Variants in UGT3A1 observed in about 807,000 individuals in gnomAD.
UGT3A1 encodes the protein UDP-glycosyltransferase 3A1.
UGT3A1 carries 40 observed loss-of-function variants against 37.6 expected under a neutral mutation model. That is an observed-to-expected ratio of 1.06 (90% CI 0.83 to 1.38). The LOEUF (loss-of-function observed/expected upper bound fraction) is 1.38. Among genes scored for constraint, UGT3A1 ranks in the 40% most tolerant of loss-of-function variants. The pLI is 0.00. For synonymous variants in UGT3A1, 256 were observed against 232.3 expected, an observed-to-expected ratio of 1.10 and a Z score of -0.93; for missense variants, 642 against 634.2, an observed-to-expected ratio of 1.01 and a Z score of -0.13.
chr5:35,954,482 T>C lies in UGT3A1; in HGVS notation c.1296-4A>G, dbSNP rs1006500799. ...TGCCACCACTGCCGACTTGTACCTG[T>C]TGGCGGAGACAGAGAGGGTGTGTTA... is the stretch of plus-strand genomic sequence containing the variant. On this transcript the variant is annotated splice_polypyrimidine_tract_variant and splice_region_variant and intron_variant, in intron 6 of 6. Transcript: ENST00000274278. 6.2e-7 allele frequency: 1 copy of C among 1,613,176 alleles called. No homozygotes were observed. The highest frequency in any genetic ancestry group is 1.3e-5 in the African/African-American group (1 of 74,922).
At chr5:35,997,495 C>T (rs1456965291) in intron 1 of UGT3A1, among the ~76,000 whole-genome samples, 7 of 151,738 alleles carry the variant, frequency 4.6e-5, no homozygotes, top group Admixed American at 3.3e-4. Flanking sequence ...TGGTGGATCT[C>T]GCCTCACTGC....
upstream of UGT3A1, chr5:35,991,616 G>A: frequency 9.9e-7 from 1 of 1,014,172 alleles, no homozygotes; most frequent in African/African-American, 1.7e-5. Flanking sequence ...CCATCCCCAA[G>A]GAAACCACCT....
intron 1 of UGT3A1, among the ~76,000 whole-genome samples, chr5:35,998,945 A>G (rs1741157316): frequency 6.6e-6 from 1 of 152,138 alleles, no homozygotes; most frequent in African/African-American, 2.4e-5. Flanking sequence ...CCCATAAAAA[A>G]TGTACAATAG....
intron 2 of UGT3A1, among the ~76,000 whole-genome samples, chr5:35,978,460 G>A (rs761223849): frequency 7.9e-5 from 12 of 152,264 alleles, no homozygotes; most frequent in Middle Eastern, 3.4e-3. Context: ...GGCAGAAGGC[G>A]AAAGGCCCAT....
chr5:35,955,485 G>A, intron 6 of UGT3A1, 160 bp downstream of exon 6: 1 of 829,538 alleles, frequency 1.2e-6, no homozygotes, highest in East Asian at 2.7e-5. Flanking sequence ...AGTCTTCCTA[G>A]AGACTTACCA....
At chr5:35,964,098 TA>T (rs200010589) in intron 4 of UGT3A1, among the ~76,000 whole-genome samples, 6,150 of 39,230 alleles carry the variant, frequency 0.16, 330 homozygotes, top group East Asian at 0.55. Context: ...TAAAAATGGT[TA>T]AAGTGGTATA....
chr5:35,974,973 G>C (rs899781775), intron 2 of UGT3A1, among the ~76,000 whole-genome samples: 1 of 152,156 alleles, frequency 6.6e-6, no homozygotes, highest in African/African-American at 2.4e-5. Flanking sequence ...AAAAATTGGT[G>C]GCAAGAAGTT....
rs1193516535 is a variant in UGT3A1 at position 35,978,228 on chromosome 5, TTTC to T, written c.197-10098_197-10096del. 2.6e-5 allele frequency among the ~76,000 whole-genome samples: 4 copies of T among 152,084 alleles called. No individual in the cohort carries two copies. The East Asian group carries it at 5.8e-4, about 22-fold the overall frequency. ...TTTTGTATTTTTAGTACAGATGGGG[TTTC>T]ACCATGTTGGCCAGGCTGGACTTGA... is the stretch of plus-strand genomic sequence containing the variant. On this transcript the variant is annotated intron_variant, in intron 2 of 6. Coordinates refer to ENST00000274278, the MANE Select transcript of UGT3A1 (RefSeq NM_152404.4).
At chr5:35,957,860 A>G (rs939985742) in intron 4 of UGT3A1, among the ~76,000 whole-genome samples, 3 of 152,110 alleles carry the variant, frequency 2.0e-5, no homozygotes, top group Admixed American at 1.3e-4. Context: ...TGGGTGGAGT[A>G]TTCTCTAAAT....
chr5:35,970,930 C>T (rs1211939158), intron 2 of UGT3A1, among the ~76,000 whole-genome samples: 2 of 152,132 alleles, frequency 1.3e-5, no homozygotes, highest in Non-Finnish European at 2.9e-5. Context: ...AACCTCATAC[C>T]CATGGTTATT....
chr5:35,965,736 T>C lies in UGT3A1; in HGVS notation c.493A>G (p.Ile165Val). The C allele has an allele frequency of 6.2e-7, 1 of 1,614,172 alleles. No individual in the cohort carries two copies. The highest frequency in any genetic ancestry group is 8.5e-7 in the Non-Finnish European group (1 of 1,180,028). Reference protein sequence around the residue: ...AEKLVKPFVAILPTTFGSLDF... With the variant: ...AEKLVKPFVAVLPTTFGSLDF... The stretch of plus-strand genomic sequence containing the variant: ...AAAGAGCCGAATGTGGTGGGAAGAA[T>C]GGCCACAAATGGTTTCACAAGCTTC... Residue 165 changes from isoleucine (I) to valine (V), a missense_variant, in exon 4 of 7, where the codon ATT (isoleucine) becomes GTT (valine). By Grantham distance (29) the Ile-to-Val change is conservative. Transcript: ENST00000274278.
At chr5:35,984,299 T>C (rs1256248925) in intron 2 of UGT3A1, among the ~76,000 whole-genome samples, 1 of 152,122 alleles carries the variant, frequency 6.6e-6, no homozygotes. Context: ...ATTCCATTTA[T>C]ATGGCTTGAG....
At chr5:35,993,009 G>A (rs149365303), upstream of UGT3A1, among the ~76,000 whole-genome samples, 389 of 152,158 alleles carry the variant, frequency 2.6e-3, 2 homozygotes, top group African/African-American at 9.2e-3. Flanking sequence ...AAATTTCACC[G>A]TGGCAATGCA....
intron 4 of UGT3A1, chr5:35,962,837 A>G: frequency 2.9e-6 from 2 of 698,800 alleles, no homozygotes; most frequent in South Asian, 3.0e-5. Flanking sequence ...TTCAGGATAC[A>G]CAGGCTAGGA....
chr5:35,977,859 T>C (rs1001695579), intron 2 of UGT3A1, among the ~76,000 whole-genome samples: 1 of 152,156 alleles, frequency 6.6e-6, no homozygotes, highest in African/African-American at 2.4e-5. Flanking sequence ...CTCATAGTGA[T>C]ATATTAGTGA....
intron 4 of UGT3A1, among the ~76,000 whole-genome samples, chr5:35,959,698 T>C (rs1739500877): frequency 6.6e-6 from 1 of 152,106 alleles, no homozygotes; most frequent in Non-Finnish European, 1.5e-5. Flanking sequence ...TGTGGATCAA[T>C]ATGTGCACTA....
chr5:35,999,004 AG>A (rs1267424156), intron 1 of UGT3A1, among the ~76,000 whole-genome samples: 1 of 152,144 alleles, frequency 6.6e-6, no homozygotes, highest in Admixed American at 6.5e-5. Context: ...TCGGAGGCCA[AG>A]GTAGGCAGAT....
At chr5:35,971,174 T>C (rs1013864694) in intron 2 of UGT3A1, among the ~76,000 whole-genome samples, 22 of 152,084 alleles carry the variant, frequency 1.4e-4, no homozygotes, top group Admixed American at 1.4e-3. Flanking sequence ...GTTATGACAT[T>C]ATAATGAGGA....
At chr5:35,960,390 A>G (rs915906332) in intron 4 of UGT3A1, among the ~76,000 whole-genome samples, 1 of 152,216 alleles carries the variant, frequency 6.6e-6, no homozygotes, top group African/African-American at 2.4e-5. Flanking sequence ...ATTATGGTCA[A>G]ATAAATTTTG....
Sources: allele counts gnomAD v4.1 joint callset (sites outside exome capture counted in the v4.1 genomes callset), GRCh38; gene constraint gnomAD v4.1.1; transcripts MANE v1.5; gene names NCBI Gene and HGNC (gene_info 2026-07-23, HGNC 2026-07-21).